RNF115: variants seen among roughly 807,000 people sequenced by gnomAD.
RNF115 encodes E3 ubiquitin-protein ligase RNF115.
Under a neutral mutation model 39.2 loss-of-function variants are expected in RNF115, and 31 were observed. That is an observed-to-expected ratio of 0.79 (90% CI 0.59 to 1.07). The LOEUF (loss-of-function observed/expected upper bound fraction) is 1.07. Among genes scored for constraint, RNF115 ranks in the 50% least tolerant of loss-of-function variants. RNF115 has a pLI of 0.00. For synonymous variants in RNF115, 124 were observed against 131.0 expected (o/e 0.95, Z 0.37); for missense variants, 384 against 381.7 (o/e 1.01, Z -0.05).
chr1:145,806,684 C>T (rs1553721621), intron 1 of RNF115, among the ~76,000 whole-genome samples: 1 of 152,258 alleles, frequency 6.6e-6, no homozygotes, highest in African/African-American at 2.4e-5. Flanking sequence ...TCTTGCCTTG[C>T]GGAACACCTG....
At chr1:145,804,981 T>C (rs1329364529) in intron 1 of RNF115, among the ~76,000 whole-genome samples, 1 of 152,140 alleles carries the variant, frequency 6.6e-6, no homozygotes, top group African/African-American at 2.4e-5. Flanking sequence ...CAGTTCAATT[T>C]TCAAATTAAA....
intron 4 of RNF115, among the ~76,000 whole-genome samples, chr1:145,753,496 A>T (rs1658174004): frequency 6.6e-6 from 1 of 152,168 alleles, no homozygotes; most frequent in Non-Finnish European, 1.5e-5. Context: ...AAGTTTAAGC[A>T]ATAATTCTAT....
intron 4 of RNF115, among the ~76,000 whole-genome samples, chr1:145,767,755 G>A (rs1239882177): frequency 6.6e-6 from 1 of 152,264 alleles, no homozygotes; most frequent in African/African-American, 2.4e-5. Flanking sequence ...CGGATCACTC[G>A]CGGTTAGCAG....
chr1:145,791,930 TTTTA>T (rs1486094563), intron 1 of RNF115, among the ~76,000 whole-genome samples: 3 of 151,948 alleles, frequency 2.0e-5, no homozygotes, highest in Admixed American at 1.3e-4. Context: ...TTTTATTTTA[TTTTA>T]TTTATTTATT....
intron 2 of RNF115, 112 bp from the exon 3 acceptor site, chr1:145,784,708 C>A: frequency 1.2e-6 from 1 of 803,576 alleles, no homozygotes. Context: ...AAAAATAACT[C>A]ATCCCAACAC....
intron 4 of RNF115, among the ~76,000 whole-genome samples, chr1:145,766,476 T>C (rs1571726377): frequency 6.6e-6 from 1 of 152,128 alleles, no homozygotes; most frequent in South Asian, 2.1e-4. Flanking sequence ...AAACCGCCAT[T>C]GTCATCATGG....
intron 4 of RNF115, among the ~76,000 whole-genome samples, chr1:145,769,377 A>G (rs1232921236): frequency 1.3e-5 from 2 of 152,312 alleles, no homozygotes; most frequent in African/African-American, 4.8e-5. Context: ...CTATTAATTC[A>G]TATGTTTTTT....
chr1:145,775,744 G>C (rs1043595643), intron 3 of RNF115, among the ~76,000 whole-genome samples: 5 of 151,984 alleles, frequency 3.3e-5, no homozygotes, highest in African/African-American at 9.7e-5. Flanking sequence ...TATAATCCCA[G>C]CCCTTTGAGA....
chr1:145,768,249 G>A (rs759644834), intron 4 of RNF115, among the ~76,000 whole-genome samples: 157 of 152,214 alleles, frequency 1.0e-3, no homozygotes, highest in Non-Finnish European at 1.1e-3. Context: ...CCAGGCCAGC[G>A]CCCACCCCTG....
At position 145,742,919 on chromosome 1, in the gene RNF115, C is replaced by T. The variant is rs369990094; in HGVS notation, c.*3947G>A. Reference sequence around the variant, plus strand: ...TGCTAGCTCACACCTGTAATCCCAGCACTTTGGGAGGCCGAGGCGGGTGGT... The same window carrying T: ...TGCTAGCTCACACCTGTAATCCCAGTACTTTGGGAGGCCGAGGCGGGTGGT... On this transcript the variant is annotated 3_prime_UTR_variant, in exon 9 of 9. Transcript: ENST00000582693. 2 of 152,306 alleles carry T rather than the reference C, an allele frequency of 1.3e-5. No homozygotes were observed. The highest frequency in any genetic ancestry group is 3.9e-4 in the East Asian group (2 of 5,194). The allele number at this position is 152,306 out of a possible 1,614,324, so 9.4% of individuals were successfully genotyped here. A position where few individuals can be genotyped will look rare whatever the true frequency, so the allele number is the denominator to read the frequency against.
rs587628171 is a variant in RNF115, at chr1:145,789,942, C to A, written c.103-976G>T. Reference sequence around the variant, plus strand: ...CAAACTCCTGACCTCAGGCGATCCACCCGCCTCGGCCTCCGAAAGTGCTGG... The same window carrying A: ...CAAACTCCTGACCTCAGGCGATCCAACCGCCTCGGCCTCCGAAAGTGCTGG... On this transcript the variant is annotated intron_variant, in intron 1 of 8. Transcript: ENST00000582693. 5.9e-5 allele frequency among the ~76,000 whole-genome samples: 9 copies of A among 152,016 alleles called. No homozygotes were observed. In the South Asian group the frequency reaches 1.9e-3, roughly 32 times the overall value.
chr1:145,800,131 G>A (rs1553720677), intron 1 of RNF115, among the ~76,000 whole-genome samples: 2 of 152,162 alleles, frequency 1.3e-5, no homozygotes, highest in South Asian at 4.1e-4. Flanking sequence ...ACATAGTCGG[G>A]TGAAGAAACA....
At chr1:145,781,195 T>G (rs1325376653) in intron 3 of RNF115, among the ~76,000 whole-genome samples, 1 of 152,168 alleles carries the variant, frequency 6.6e-6, no homozygotes, top group Non-Finnish European at 1.5e-5. Flanking sequence ...AGAAATTTTC[T>G]TGGAATAAGC....
At chr1:145,754,951 A>T (rs1163996958) in intron 4 of RNF115, among the ~76,000 whole-genome samples, 1 of 152,094 alleles carries the variant, frequency 6.6e-6, no homozygotes, top group East Asian at 1.9e-4. Flanking sequence ...AGGTAAAAAA[A>T]AGTGGGGGAA....
intron 1 of RNF115, among the ~76,000 whole-genome samples, chr1:145,790,872 T>C (rs587660002): frequency 6.6e-6 from 1 of 152,176 alleles, no homozygotes; most frequent in East Asian, 1.9e-4. Context: ...CTGGGCGCGG[T>C]GGCTCACGCC....
intron 4 of RNF115, among the ~76,000 whole-genome samples, chr1:145,760,957 G>C (rs1196692464): frequency 6.6e-6 from 1 of 152,190 alleles, no homozygotes; most frequent in Non-Finnish European, 1.5e-5. Context: ...GTCTCAGATG[G>C]AGATAAGAAA....
At chr1:145,775,371 A>G (rs1647833868) in intron 3 of RNF115, among the ~76,000 whole-genome samples, 1 of 151,902 alleles carries the variant, frequency 6.6e-6, no homozygotes, top group Non-Finnish European at 1.5e-5. Flanking sequence ...ACAATATATA[A>G]TAATAAAAGT....
In RNF115 at chr1:145,742,976, A is replaced by C. The variant is rs977188365; in HGVS notation, c.*3890T>G. On this transcript the variant is annotated 3_prime_UTR_variant, in exon 9 of 9. Transcript: ENST00000582693. ...AGGTCAGGAGTTTGAAAACAGCCTG[A>C]CCAACATGGTGAACCACTTCTCATA... 6.6e-6 allele frequency: 1 copy of C among 151,274 alleles called. No individual in the cohort carries two copies. Among genetic ancestry groups the C allele is most frequent in the Non-Finnish European group, 1.5e-5 (1 of 67,804 alleles). 9.4% of individuals were successfully genotyped at this position (151,274 alleles called of 1,614,324 possible).
chr1:145,804,666 T>G (rs987690633), intron 1 of RNF115, among the ~76,000 whole-genome samples: 2 of 152,150 alleles, frequency 1.3e-5, no homozygotes, highest in African/African-American at 2.4e-5. Flanking sequence ...TCTGAGTGAT[T>G]TGGATATGGA....
Sources: gnomAD v4.1 joint callset for allele counts (sites outside exome capture counted in the v4.1 genomes callset) on GRCh38, gnomAD v4.1.1 for gene constraint, MANE v1.5 for transcripts, NCBI Gene and HGNC (gene_info 2026-07-23, HGNC 2026-07-21) for gene names.